The following HYCC2 variants were observed in gnomAD, a reference collection of about 807,000 sequenced individuals.
The protein encoded by HYCC2 is hyccin 2.
chr2:201,015,206 G>A, the HYCC2 span, among the ~76,000 whole-genome samples: 1 of 152,176 alleles, frequency 6.6e-6, no homozygotes, highest in Non-Finnish European at 1.5e-5. Context: ...TGCTGCCCAA[G>A]TCTTCAGAAA....
At chr2:201,013,307 T>C in the HYCC2 span, among the ~76,000 whole-genome samples, 1 of 151,706 alleles carries the variant, frequency 6.6e-6, no homozygotes, top group Non-Finnish European at 1.5e-5. Context: ...CAATCTCTAC[T>C]AAAAATACAG....
At chr2:200,986,578 G>A in the HYCC2 span, among the ~76,000 whole-genome samples, 3 of 152,006 alleles carry the variant, frequency 2.0e-5, no homozygotes, top group Non-Finnish European at 4.4e-5. Flanking sequence ...GGGGTTCGGG[G>A]GGGAAGGGTA....
the HYCC2 span, among the ~76,000 whole-genome samples, chr2:201,019,883 A>C: frequency 6.6e-6 from 1 of 152,144 alleles, no homozygotes; most frequent in Non-Finnish European, 1.5e-5. Flanking sequence ...TGAGCCCAGG[A>C]GTTCAAGGCC....
At chr2:200,987,465 A>G in the HYCC2 span, 1 of 1,289,810 alleles carries the variant, frequency 7.8e-7, no homozygotes, top group Non-Finnish European at 1.0e-6. Flanking sequence ...TCCCTAGGTC[A>G]GTGGAGCCGT....
the HYCC2 span, among the ~76,000 whole-genome samples, chr2:201,068,120 A>G: frequency 6.6e-6 from 1 of 152,032 alleles, no homozygotes; most frequent in Non-Finnish European, 1.5e-5. Flanking sequence ...TCCCGTCTCT[A>G]CTAAAAAAAA....
chr2:201,002,281 CA>C, the HYCC2 span, among the ~76,000 whole-genome samples: 229 of 82,802 alleles, frequency 2.8e-3, 1 homozygote, highest in African/African-American at 3.3e-3. Context: ...ACCAATCAGC[CA>C]AAAAAAAAAA....
chr2:200,998,564 T>C, the HYCC2 span, among the ~76,000 whole-genome samples: 1 of 152,228 alleles, frequency 6.6e-6, no homozygotes, highest in Non-Finnish European at 1.5e-5. Context: ...ATCTCTATCA[T>C]TGGTGTCCAG....
chr2:201,013,363 G>A, the HYCC2 span, among the ~76,000 whole-genome samples: 1 of 151,990 alleles, frequency 6.6e-6, no homozygotes, highest in African/African-American at 2.4e-5. Flanking sequence ...CCAGCTACTT[G>A]GGAGGCTAAG....
At chr2:201,042,882 G>A in the HYCC2 span, among the ~76,000 whole-genome samples, 1,723 of 151,138 alleles carry the variant, frequency 0.011, 18 homozygotes, top group Non-Finnish European at 0.017. Context: ...CGGCCGCCCC[G>A]TCTGGGAAGT....
the HYCC2 span, chr2:201,066,679 T>G: frequency 6.6e-6 from 1 of 152,264 alleles, no homozygotes; most frequent in Non-Finnish European, 1.5e-5. Flanking sequence ...TCAGGGAGAC[T>G]GTTTTCACAA....
At chr2:200,980,680 G>A in the HYCC2 span, 1 of 153,616 alleles carries the variant, frequency 6.5e-6, no homozygotes, top group South Asian at 2.0e-4. Context: ...GAGATGGGGG[G>A]GTGGAGAAAG....
the HYCC2 span, chr2:201,016,921 T>C: frequency 2.0e-6 from 3 of 1,468,472 alleles, no homozygotes; most frequent in South Asian, 3.6e-5. Context: ...TCTCTAAACA[T>C]TCCTTAAGTA....
At chr2:200,986,173 C>T in the HYCC2 span, among the ~76,000 whole-genome samples, 2 of 152,180 alleles carry the variant, frequency 1.3e-5, no homozygotes, top group Non-Finnish European at 2.9e-5. Flanking sequence ...TCTCAAACAG[C>T]ACCAACTTTT....
chr2:201,041,792 A>AT, the HYCC2 span, among the ~76,000 whole-genome samples: 1 of 152,326 alleles, frequency 6.6e-6, no homozygotes, highest in East Asian at 1.9e-4. Context: ...AAACATATAT[A>AT]TAGTCAATGA....
the HYCC2 span, among the ~76,000 whole-genome samples, chr2:201,048,074 A>G: frequency 2.6e-5 from 4 of 152,114 alleles, no homozygotes; most frequent in Admixed American, 2.6e-4. Context: ...AGTATAAGGA[A>G]ATGTTAATAG....
the HYCC2 span, among the ~76,000 whole-genome samples, chr2:201,069,510 A>C: frequency 6.6e-6 from 1 of 151,112 alleles, no homozygotes; most frequent in Non-Finnish European, 1.5e-5. Context: ...TAGTTCTCTA[A>C]GACAGCTCTA....
At chr2:201,061,044 T>C in the HYCC2 span, among the ~76,000 whole-genome samples, 1 of 147,434 alleles carries the variant, frequency 6.8e-6, no homozygotes, top group Admixed American at 6.8e-5. Flanking sequence ...TACATGAAAA[T>C]AATGGGTTAA....
At chr2:201,012,084 G>A in the HYCC2 span, among the ~76,000 whole-genome samples, 3 of 151,798 alleles carry the variant, frequency 2.0e-5, no homozygotes, top group Non-Finnish European at 4.4e-5. Context: ...TTTAAATGGT[G>A]AGAACCTTTA....
the HYCC2 span, among the ~76,000 whole-genome samples, chr2:201,069,543 AACACACACACACACACACACAC>A: frequency 7.9e-3 from 1,136 of 143,738 alleles, 11 homozygotes; most frequent in African/African-American, 0.025. Flanking sequence ...CATAAGAAGA[AACACACACACACACACACACAC>A]ACACACACAC....
Sources: allele counts gnomAD v4.1 joint callset (sites outside exome capture counted in the v4.1 genomes callset), GRCh38; gene constraint gnomAD v4.1.1; transcripts MANE v1.5; gene names NCBI Gene and HGNC (gene_info 2026-07-23, HGNC 2026-07-21).